Variants in TIAM1 observed in about 807,000 individuals in gnomAD.
The protein encoded by TIAM1 is TIAM Rac1 associated GEF 1.
A neutral mutation model predicts 163.5 loss-of-function variants in TIAM1; 65 were observed. The observed-to-expected ratio is 0.40, with a 90% CI of 0.33 to 0.49. The LOEUF is 0.49. TIAM1 is among the 20% of genes least tolerant of loss of function. The pLI is 0.77. For missense variants in TIAM1, 1,789 were observed against 2,044.7 expected (o/e 0.87, Z 2.41); for synonymous variants, 833 against 810.1 (o/e 1.03, Z -0.48).
At chr21:31,507,874 G>A (rs745789290) in intron 1 of TIAM1, among the ~76,000 whole-genome samples, 14 of 152,210 alleles carry the variant, frequency 9.2e-5, no homozygotes, top group Admixed American at 6.5e-5. Context: ...TAAAAGATAT[G>A]CTGAAGTCCT....
chr21:31,159,590 T>C (rs1184738529), intron 16 of TIAM1, among the ~76,000 whole-genome samples: 2 of 152,218 alleles, frequency 1.3e-5, no homozygotes, highest in Admixed American at 1.3e-4. Context: ...TCAGAGACAC[T>C]ATGTACAATG....
At chr21:31,429,390 T>C (rs1427614155) in intron 2 of TIAM1, among the ~76,000 whole-genome samples, 1 of 152,188 alleles carries the variant, frequency 6.6e-6, no homozygotes, top group African/African-American at 2.4e-5. Context: ...TAATTCTTTT[T>C]CTGAGGATCT....
intron 12 of TIAM1, among the ~76,000 whole-genome samples, chr21:31,201,919 A>G (rs1601526556): frequency 1.3e-5 from 2 of 152,314 alleles, no homozygotes; most frequent in South Asian, 4.1e-4. Flanking sequence ...AATAACAACC[A>G]TTGTAATTTA....
rs1207319142 is a variant in TIAM1, at chr21:31,540,958, T to C, written c.-422+17969A>G. Among the ~76,000 whole-genome samples, 22 of 152,184 alleles carry C rather than the reference T, an allele frequency of 1.4e-4. 1 individual carries two copies. The highest frequency in any genetic ancestry group is 1.4e-3 in the Admixed American group (22 of 15,272). ...TAGTTAGGCTGTGGTGAGTCCAATA[T>C]ACTTATTATTGATAAATTCATATAT... On this transcript the variant is annotated intron_variant, in intron 1 of 28. Coordinates refer to the TIAM1 transcript ENST00000286827.
Position 31,427,269 on chromosome 21 carries a change from G to A in TIAM1, c.-369+36714C>T, listed in dbSNP as rs191405862. 5.3e-5 allele frequency among the ~76,000 whole-genome samples: 8 copies of A among 152,182 alleles called. No homozygotes were observed. The East Asian group carries it at 9.7e-4, about 18-fold the overall frequency. On this transcript the variant is annotated intron_variant, in intron 2 of 28. Transcript: ENST00000286827. ...TGGGAGGCCAAGGTGGGCGGATCAC[G>A]AGGTCAGGGGATCGAGACCATCCTG...
Position 31,119,615 on chromosome 21 carries a change from C to G in TIAM1, c.*753G>C, listed in dbSNP as rs1400078489. The G allele has an allele frequency of 6.6e-6, 1 of 152,578 alleles. No homozygotes were observed. Among genetic ancestry groups the G allele is most frequent in the Non-Finnish European group, 1.5e-5 (1 of 68,032 alleles). The allele number at this position is 152,578 out of a possible 1,614,324, so 9.5% of individuals were successfully genotyped here. A position where few individuals can be genotyped will look rare whatever the true frequency, so the allele number is the denominator to read the frequency against. ...TTTTTTAGGCTCAGGGATACATACA[C>G]TAACACTGTAAAATTCTCATCTATT... On this transcript the variant is annotated 3_prime_UTR_variant, in exon 28 of 28. Transcript: ENST00000541036.
chr21:31,261,262 C>CTTT (rs397792273), intron 4 of TIAM1, among the ~76,000 whole-genome samples: 2,898 of 136,876 alleles, frequency 0.021, 65 homozygotes, highest in South Asian at 0.04. Flanking sequence ...CAGCCAAGTC[C>CTTT]TTTTTTTTTT....
chr21:31,342,079 G>C (rs1370789963), intron 1 of TIAM1, among the ~76,000 whole-genome samples: 1 of 151,354 alleles, frequency 6.6e-6, no homozygotes, highest in African/African-American at 2.4e-5. Flanking sequence ...TACATAAAAT[G>C]GGAAAATTTC....
At chr21:31,258,813 CAA>C (rs34060979) in intron 4 of TIAM1, among the ~76,000 whole-genome samples, 78,041 of 141,494 alleles carry the variant, frequency 0.55, 21,884 homozygotes, top group Admixed American at 0.64. Flanking sequence ...GACTCCGTCT[CAA>C]AAAAAAAAAA....
intron 1 of TIAM1, among the ~76,000 whole-genome samples, chr21:31,466,823 A>C (rs766993905): frequency 3.9e-5 from 6 of 152,160 alleles, no homozygotes; most frequent in Non-Finnish European, 8.8e-5. Context: ...GCTACCGTAC[A>C]ATAAGGGGAA....
At chr21:31,278,208 C>A (rs941674948) in intron 2 of TIAM1, among the ~76,000 whole-genome samples, 20 of 152,182 alleles carry the variant, frequency 1.3e-4, no homozygotes, top group African/African-American at 4.8e-4. Flanking sequence ...ATAGAACTTT[C>A]CATTGTATAC....
At chr21:31,197,197 A>AC (rs2085903708) in intron 12 of TIAM1, among the ~76,000 whole-genome samples, 1 of 152,130 alleles carries the variant, frequency 6.6e-6, no homozygotes, top group South Asian at 2.1e-4. Context: ...CATGCGATAT[A>AC]CTCAGGTAAC....
intron 2 of TIAM1, among the ~76,000 whole-genome samples, chr21:31,283,548 T>C (rs1242556004): frequency 6.6e-6 from 1 of 152,008 alleles, no homozygotes; most frequent in Non-Finnish European, 1.5e-5. Flanking sequence ...TTTATTTATT[T>C]ATTTATTTAT....
chr21:31,558,542 G>T (rs1359092020), intron 1 of TIAM1, among the ~76,000 whole-genome samples: 6 of 152,112 alleles, frequency 3.9e-5, no homozygotes, highest in Non-Finnish European at 2.9e-5. Context: ...ACAAAAATCA[G>T]CCGATAAAAT....
chr21:31,447,900 C>G (rs1390847336), intron 2 of TIAM1, among the ~76,000 whole-genome samples: 1 of 152,198 alleles, frequency 6.6e-6, no homozygotes, highest in Admixed American at 6.5e-5. Context: ...AACTGGAGAA[C>G]TAGGAGAGCA....
Position 31,120,170 on chromosome 21 carries a change from G to A in TIAM1, c.*198C>T. 1 of 561,042 alleles carries A rather than the reference G, an allele frequency of 1.8e-6. No individual in the cohort carries two copies. Among genetic ancestry groups the A allele is most frequent in the Non-Finnish European group, 3.1e-6 (1 of 319,040 alleles). 34.8% of individuals were successfully genotyped at this position (561,042 alleles called of 1,614,324 possible). A position where few individuals can be genotyped will look rare whatever the true frequency, so the allele number is the denominator to read the frequency against. On this transcript the variant is annotated 3_prime_UTR_variant, in exon 28 of 28. Coordinates refer to ENST00000541036, the MANE Select transcript of TIAM1 (RefSeq NM_001353694.2). The surrounding 1 kb of genome is among the most constrained non-coding windows in gnomAD (Gnocchi z 4.2). ...AGAAGATAGGACTCAAGCTTATTTG[G>A]GATTCTGATCAATTCTTTCTGATGT...
chr21:31,189,902 T>C (rs1485247281), intron 13 of TIAM1, among the ~76,000 whole-genome samples: 7 of 152,196 alleles, frequency 4.6e-5, no homozygotes, highest in South Asian at 4.1e-4. Context: ...TCAGATCTAT[T>C]TCTTTTAAAT....
rs1388949118 is a variant in TIAM1, at chr21:31,395,046, T to C, written c.-368-55624A>G. Among the ~76,000 whole-genome samples the C allele has an allele frequency of 6.6e-6, 1 of 152,124 alleles. No individual in the cohort carries two copies. Among genetic ancestry groups the C allele is most frequent in the African/African-American group, 2.4e-5 (1 of 41,426 alleles). On this transcript the variant is annotated intron_variant, in intron 2 of 28. Transcript: ENST00000286827. The surrounding 1 kb of genome is among the most constrained non-coding windows in gnomAD (Gnocchi z 7.5). The stretch of plus-strand genomic sequence containing the variant: ...TGAGGTCAGAAGTTCAAGACCAGCC[T>C]GGCCAACACAGTGAAACCCCGTATC...
chr21:31,439,565 C>G (rs183969874), intron 2 of TIAM1, among the ~76,000 whole-genome samples: 2 of 152,258 alleles, frequency 1.3e-5, no homozygotes, highest in South Asian at 4.1e-4. Context: ...GCTGGCATTA[C>G]AGGCATGGGC....
Sources: gnomAD v4.1 joint callset for allele counts (sites outside exome capture counted in the v4.1 genomes callset) on GRCh38, gnomAD v4.1.1 for gene constraint, Gnocchi (gnomAD v3.1) non-coding constraint, MANE v1.5 for transcripts, NCBI Gene and HGNC (gene_info 2026-07-23, HGNC 2026-07-21) for gene names.